FBXL17: variants seen among roughly 807,000 people sequenced by gnomAD.
FBXL17 encodes F-box/LRR-repeat protein 17.
FBXL17 carries 22 observed loss-of-function variants against 66.2 expected under a neutral mutation model. The ratio of observed to expected loss-of-function variants is 0.33; its 90% CI spans 0.24 to 0.47. The LOEUF (loss-of-function observed/expected upper bound fraction) is 0.47, where lower values mean the gene tolerates loss of function less well. Ranked by LOEUF, FBXL17 falls within the 20% of genes least tolerant of loss-of-function variation. The pLI, the probability that FBXL17 is intolerant of heterozygous loss-of-function variation, is 1.00. For missense variants in FBXL17, 878 were observed against 948.2 expected, an observed-to-expected ratio of 0.93 and a Z score of 0.97; for synonymous variants, 474 against 400.5, an observed-to-expected ratio of 1.18 and a Z score of -2.19.
intron 6 of FBXL17, among the ~76,000 whole-genome samples, chr5:108,022,660 A>G (rs746616882): frequency 6.6e-6 from 1 of 152,104 alleles, no homozygotes; most frequent in African/African-American, 2.4e-5. Context: ...TTCATATTTG[A>G]TTATGCTCTA....
intron 8 of FBXL17, among the ~76,000 whole-genome samples, chr5:107,876,076 G>A (rs981773287): frequency 5.9e-5 from 9 of 152,202 alleles, no homozygotes; most frequent in Non-Finnish European, 1.0e-4. Context: ...CTTAAGTAAC[G>A]TGGCCCTCAC....
chr5:107,929,698 A>G (rs187448923), intron 7 of FBXL17, among the ~76,000 whole-genome samples: 2 of 152,224 alleles, frequency 1.3e-5, no homozygotes, highest in African/African-American at 4.8e-5. Flanking sequence ...GGACCCCATA[A>G]TGTGTTAGAT....
chr5:107,987,235 C>A (rs1229489867), intron 7 of FBXL17, among the ~76,000 whole-genome samples: 2 of 148,396 alleles, frequency 1.3e-5, no homozygotes, highest in Non-Finnish European at 3.0e-5. Context: ...AATTGATATG[C>A]AAAAACCAAA....
At chr5:108,284,675 T>C (rs72791264) in intron 4 of FBXL17, among the ~76,000 whole-genome samples, 19 of 151,908 alleles carry the variant, frequency 1.3e-4, no homozygotes, top group Non-Finnish European at 2.4e-4. Flanking sequence ...TGTAACAAAA[T>C]TGCACATGTA....
At chr5:108,301,313 AAG>A (rs1399564139) in intron 4 of FBXL17, among the ~76,000 whole-genome samples, 1 of 151,836 alleles carries the variant, frequency 6.6e-6, no homozygotes, top group Non-Finnish European at 1.5e-5. Flanking sequence ...GCATAATAAA[AAG>A]AAGTTTTAAA....
intron 7 of FBXL17, among the ~76,000 whole-genome samples, chr5:107,965,622 TTAGA>T: frequency 6.6e-6 from 1 of 152,262 alleles, no homozygotes; most frequent in Non-Finnish European, 1.5e-5. Flanking sequence ...CAGCTGGATG[TTAGA>T]TAGAATGTTT....
At chr5:107,892,474 T>C (rs537224476) in intron 7 of FBXL17, among the ~76,000 whole-genome samples, 22 of 152,122 alleles carry the variant, frequency 1.4e-4, no homozygotes, top group Non-Finnish European at 2.8e-4. Context: ...TTTTTCAACA[T>C]TATGCAAGTT....
At chr5:108,046,547 G>T (rs1039268761) in intron 6 of FBXL17, among the ~76,000 whole-genome samples, 3 of 151,902 alleles carry the variant, frequency 2.0e-5, no homozygotes, top group African/African-American at 7.3e-5. Context: ...GCCTTTCTGG[G>T]GTTACATGAA....
In FBXL17 at chr5:108,025,727, G is replaced by GCACA. The variant is rs34719664; in HGVS notation, c.1746-4730_1746-4727dup. On this transcript the variant is annotated intron_variant, in intron 6 of 8. Transcript: ENST00000542267. ...CAAACACACACACACACGCGCGCGC[G>GCACA]CACACACACACACACACACACACAC... 9.7e-3 allele frequency among the ~76,000 whole-genome samples: 1,364 copies of GCACA among 141,208 alleles called. 12 individuals are homozygous for GCACA. The highest frequency in any genetic ancestry group is 0.021 in the African/African-American group (819 of 38,884). The allele number at this position is 141,208 out of a possible 152,430, so 92.6% of individuals were successfully genotyped here.
At chr5:108,372,209 GAAGA>G (rs1385129471) in intron 1 of FBXL17, among the ~76,000 whole-genome samples, 2 of 152,114 alleles carry the variant, frequency 1.3e-5, no homozygotes, top group African/African-American at 2.4e-5. Context: ...ACCTCTACAA[GAAGA>G]AAGAATCAGC....
intron 7 of FBXL17, among the ~76,000 whole-genome samples, chr5:107,921,590 C>T (rs1290163563): frequency 1.3e-5 from 2 of 152,150 alleles, no homozygotes; most frequent in African/African-American, 4.8e-5. Flanking sequence ...CATTTTCTTA[C>T]TTACTGTTAA....
intron 5 of FBXL17, among the ~76,000 whole-genome samples, chr5:108,195,658 T>C (rs286762): frequency 0.32 from 48,509 of 151,966 alleles, 7,887 homozygotes; most frequent in Middle Eastern, 0.41. Context: ...ATTCAGAACA[T>C]AGATCCAAGG....
At chr5:108,265,330 T>C (rs952828487) in intron 4 of FBXL17, among the ~76,000 whole-genome samples, 3 of 152,252 alleles carry the variant, frequency 2.0e-5, no homozygotes, top group African/African-American at 7.2e-5. Flanking sequence ...AATACAATTC[T>C]TAAATCTAGA....
chr5:107,904,247 T>C (rs903852810), intron 7 of FBXL17, among the ~76,000 whole-genome samples: 1 of 152,086 alleles, frequency 6.6e-6, no homozygotes, highest in South Asian at 2.1e-4. Context: ...CACAGACTTG[T>C]CCAGATCAGA....
At chr5:107,937,514 G>C (rs997349724) in intron 7 of FBXL17, among the ~76,000 whole-genome samples, 1 of 152,152 alleles carries the variant, frequency 6.6e-6, no homozygotes, top group African/African-American at 2.4e-5. Context: ...GGATCTTACT[G>C]CAGAGTAAAT....
At chr5:108,309,770 G>A (rs1480504607) in intron 4 of FBXL17, among the ~76,000 whole-genome samples, 3 of 151,968 alleles carry the variant, frequency 2.0e-5, no homozygotes, top group South Asian at 2.1e-4. Context: ...GGTGGAGTAT[G>A]GGTAATCTGT....
intron 4 of FBXL17, among the ~76,000 whole-genome samples, chr5:108,340,408 A>C (rs985831299): frequency 1.1e-4 from 16 of 151,462 alleles, no homozygotes; most frequent in Admixed American, 9.9e-4. Flanking sequence ...AAAAAAAAAA[A>C]CTCGTTTTAA....
chr5:108,126,234 T>C (rs952663388), intron 6 of FBXL17, among the ~76,000 whole-genome samples: 2 of 151,510 alleles, frequency 1.3e-5, no homozygotes, highest in African/African-American at 2.4e-5. Flanking sequence ...AAAAAAAAAA[T>C]TGGGCACTAG....
chr5:107,939,086 AT>A (rs1751007973), intron 7 of FBXL17, among the ~76,000 whole-genome samples: 1 of 152,142 alleles, frequency 6.6e-6, no homozygotes, highest in Non-Finnish European at 1.5e-5. Context: ...GAAGGGGATG[AT>A]TTGCTGAATG....
Sources: allele counts gnomAD v4.1 joint callset (sites outside exome capture counted in the v4.1 genomes callset), GRCh38; gene constraint gnomAD v4.1.1; transcripts MANE v1.5; gene names NCBI Gene and HGNC (gene_info 2026-07-23, HGNC 2026-07-21).